MSI2: variants seen among roughly 807,000 people sequenced by gnomAD.
The protein encoded by MSI2 is RNA-binding protein Musashi homolog 2.
MSI2 carries 17 observed loss-of-function variants against 45.6 expected under a neutral mutation model. That is an observed-to-expected ratio of 0.37 (90% confidence interval 0.26 to 0.56). MSI2 has a LOEUF of 0.56. Ranked by LOEUF, MSI2 falls within the 20% of genes least tolerant of loss-of-function variation. The pLI is 0.77. For missense variants in MSI2, 293 were observed against 444.2 expected (o/e 0.66, Z 3.06); for synonymous variants, 156 against 158.2 (o/e 0.99, Z 0.11).
At chr17:57,421,526 C>G (rs1035113474) in intron 6 of MSI2, among the ~76,000 whole-genome samples, 1 of 143,450 alleles carries the variant, frequency 7.0e-6, no homozygotes, top group Non-Finnish European at 1.6e-5. Flanking sequence ...CCCTCTGTCC[C>G]TCCTCCCCAT....
rs115793023 is a variant in MSI2 at position 57,612,409 on chromosome 17, G to C, written c.538-3561G>C. ...GTGGAGGGGACTGGACAGGCTTCCT[G>C]GTCCTGAGAAGTCTTTCAAGAGGCC... On this transcript the variant is annotated intron_variant, in intron 8 of 13. Transcript: ENST00000284073. Among the ~76,000 whole-genome samples, 2 of 94,888 alleles carry C rather than the reference G, an allele frequency of 2.1e-5. 1 individual carries two copies. The highest frequency in any genetic ancestry group is 5.1e-5 in the Non-Finnish European group (2 of 39,458). The allele number at this position is 94,888 out of a possible 152,430, so 62.3% of individuals were successfully genotyped here. A position where few individuals can be genotyped will look rare whatever the true frequency, so the allele number is the denominator to read the frequency against.
At chr17:57,445,631 A>T (rs1044299964) in intron 6 of MSI2, among the ~76,000 whole-genome samples, 2 of 152,108 alleles carry the variant, frequency 1.3e-5, no homozygotes, top group African/African-American at 4.8e-5. Context: ...AACGTCTGTA[A>T]TTAGGGGAGT....
chr17:57,505,536 C>T (rs2086208070), intron 6 of MSI2, among the ~76,000 whole-genome samples: 2 of 152,184 alleles, frequency 1.3e-5, no homozygotes, highest in African/African-American at 4.8e-5. Context: ...GGAAAAAGCT[C>T]ATCCCCTAAC....
chr17:57,483,941 T>C (rs2085700443), intron 6 of MSI2, among the ~76,000 whole-genome samples: 1 of 152,110 alleles, frequency 6.6e-6, no homozygotes, highest in Non-Finnish European at 1.5e-5. Flanking sequence ...AAATCAAAAA[T>C]GTAAGTGGTT....
At chr17:57,639,941 T>C (rs9910106) in intron 10 of MSI2, among the ~76,000 whole-genome samples, 16,198 of 152,214 alleles carry the variant, frequency 0.11, 1,122 homozygotes, top group African/African-American at 0.2. Flanking sequence ...AAGCACTATG[T>C]CACAGGCCCT....
chr17:57,542,866 G>A lies in MSI2; in HGVS notation c.454+13142G>A, dbSNP rs145748409. Among the ~76,000 whole-genome samples the A allele has an allele frequency of 3.5e-3, 535 of 152,318 alleles. 2 individuals are homozygous for A. The highest frequency in any genetic ancestry group is 0.012 in the African/African-American group (494 of 41,570). On this transcript the variant is annotated intron_variant, in intron 7 of 13. Transcript: ENST00000284073. ...GTGGGTGACTAGGTCAGCTCCATCC[G>A]TCGTCTGTGCCCATGACTTCTTGTA... is the stretch of plus-strand genomic sequence containing the variant.
rs962633730 is a variant in MSI2 at position 57,407,522 on chromosome 17, G to T, written c.405+6051G>T. On this transcript the variant is annotated intron_variant, in intron 6 of 13. Transcript: ENST00000284073. This position sits in a 1 kb window ranked among gnomAD's most constrained non-coding sequence, Gnocchi z 4.1. ...CTCTGTGCAGTGTGGTTCTCTCAGA[G>T]GAGGCTTGGAAAACAAAAGTCTTGT... Among the ~76,000 whole-genome samples, 11 of 152,176 alleles carry T rather than the reference G, an allele frequency of 7.2e-5. No homozygotes were observed. Among genetic ancestry groups the T allele is most frequent in the African/African-American group, 2.7e-4 (11 of 41,430 alleles).
intron 7 of MSI2, among the ~76,000 whole-genome samples, chr17:57,594,093 C>A (rs1403590238): frequency 6.6e-6 from 1 of 152,234 alleles, no homozygotes; most frequent in East Asian, 1.9e-4. Context: ...CATTCAGTCA[C>A]TCACTTAGCA....
At chr17:57,620,102 G>A (rs1054762322) in intron 9 of MSI2, among the ~76,000 whole-genome samples, 3 of 152,198 alleles carry the variant, frequency 2.0e-5, no homozygotes, top group African/African-American at 2.4e-5. Context: ...CCTAGCCAGA[G>A]CAGGGCTCCA....
At chr17:57,299,818 A>G (rs1011699804) in intron 5 of MSI2, among the ~76,000 whole-genome samples, 22 of 152,342 alleles carry the variant, frequency 1.4e-4, no homozygotes, top group African/African-American at 5.3e-4. Flanking sequence ...ACTCAGCTCT[A>G]CAATTAGTAA....
intron 5 of MSI2, among the ~76,000 whole-genome samples, chr17:57,336,578 T>C (rs1256046425): frequency 6.6e-6 from 1 of 152,242 alleles, no homozygotes. Flanking sequence ...ATTCTGAGAC[T>C]TATTTCTTGT....
At chr17:57,660,458 A>C (rs1484937521) in intron 11 of MSI2, among the ~76,000 whole-genome samples, 1 of 152,194 alleles carries the variant, frequency 6.6e-6, no homozygotes, top group Non-Finnish European at 1.5e-5. Flanking sequence ...CAGAGAGACA[A>C]CCAGTGGATG....
intron 5 of MSI2, among the ~76,000 whole-genome samples, chr17:57,273,846 G>A (rs1908622165): frequency 6.6e-6 from 1 of 152,148 alleles, no homozygotes; most frequent in Non-Finnish European, 1.5e-5. Context: ...AGACCCCCTG[G>A]GCATCCCAAG....
rs561360407 is a variant in MSI2 at position 57,653,880 on chromosome 17, T to A, written c.790+1719T>A. On this transcript the variant is annotated intron_variant, in intron 11 of 13. Coordinates refer to ENST00000284073, the MANE Select transcript of MSI2 (RefSeq NM_138962.4). Reference sequence around the variant, plus strand: ...CCTCTCATGGACTCCCAGAGCCAGGTGGGAGTCCCACCCATCCCTCTAACT... The same window carrying A: ...CCTCTCATGGACTCCCAGAGCCAGGAGGGAGTCCCACCCATCCCTCTAACT... Among the ~76,000 whole-genome samples, 4 of 150,486 alleles carry A rather than the reference T, an allele frequency of 2.7e-5. No homozygotes were observed. The South Asian group carries it at 8.5e-4, about 32-fold the overall frequency.
chr17:57,399,974 T>G (rs1287766261), intron 5 of MSI2, among the ~76,000 whole-genome samples: 1 of 152,208 alleles, frequency 6.6e-6, no homozygotes, highest in Non-Finnish European at 1.5e-5. Flanking sequence ...GCCGGGAGCC[T>G]CTGTGATGAC....
At chr17:57,358,918 G>C (rs1335895629) in intron 5 of MSI2, among the ~76,000 whole-genome samples, 1 of 152,092 alleles carries the variant, frequency 6.6e-6, no homozygotes, top group African/African-American at 2.4e-5. Flanking sequence ...TTTGAGATTG[G>C]TTTTATAGAG....
chr17:57,517,058 C>A (rs917029610), intron 6 of MSI2, among the ~76,000 whole-genome samples: 1 of 152,218 alleles, frequency 6.6e-6, no homozygotes, highest in Non-Finnish European at 1.5e-5. Flanking sequence ...TTCTCAGCAG[C>A]ATTTTCTTAG....
intron 5 of MSI2, among the ~76,000 whole-genome samples, chr17:57,334,648 G>C (rs1251960626): frequency 1.3e-5 from 2 of 152,102 alleles, no homozygotes; most frequent in Admixed American, 6.5e-5. Flanking sequence ...ACAAAAATTA[G>C]CCGGGCATGG....
At chr17:57,498,806 C>A (rs142600076) in intron 6 of MSI2, among the ~76,000 whole-genome samples, 3 of 151,758 alleles carry the variant, frequency 2.0e-5, no homozygotes, top group African/African-American at 7.3e-5. Context: ...CTAGGGTACA[C>A]GTGCACAATG....
Sources: allele counts gnomAD v4.1 joint callset (sites outside exome capture counted in the v4.1 genomes callset), GRCh38; gene constraint gnomAD v4.1.1; non-coding constraint Gnocchi (gnomAD v3.1); transcripts MANE v1.5; gene names NCBI Gene and HGNC (gene_info 2026-07-23, HGNC 2026-07-21).